MTMR7: variants seen among roughly 807,000 people sequenced by gnomAD.
The protein encoded by MTMR7 is myotubularin related protein 7.
Under a neutral mutation model 81.2 loss-of-function variants are expected in MTMR7, and 76 were observed. That is an observed-to-expected ratio of 0.94 (90% CI 0.78 to 1.13). The LOEUF is 1.13. Ranked by LOEUF, MTMR7 falls within the 50% of genes most tolerant of loss-of-function variation. The pLI is 0.00. For synonymous variants in MTMR7, 372 were observed against 289.8 expected, an observed-to-expected ratio of 1.28 and a Z score of -2.88; for missense variants, 1,044 against 820.0, an observed-to-expected ratio of 1.27 and a Z score of -3.34.
chr8:17,305,903 G>A lies in MTMR7; in HGVS notation c.1206C>T (p.Phe402=). 1.9e-6 allele frequency: 3 copies of A among 1,613,756 alleles called. No individual in the cohort carries two copies. The highest frequency in any genetic ancestry group is 8.5e-7 in the Non-Finnish European group (1 of 1,179,750). Residue 402 remains phenylalanine (F), a synonymous_variant, in exon 11 of 14, where the codon TTC becomes TTT. Transcript: ENST00000180173. ...CCATTAACTGCCAAACACACTCAAT[G>A]AACTGGTCAATAACTGGAGAGATTT... ...PKEISPVIDQ[F]IECVWQLMEQ... is the part of the protein sequence containing the mutation.
intron 1 of MTMR7, among the ~76,000 whole-genome samples, chr8:17,401,260 A>C (rs1432120600): frequency 6.6e-6 from 1 of 152,194 alleles, no homozygotes; most frequent in Admixed American, 6.5e-5. Context: ...ACATTTGAGC[A>C]AAGATCTAAA....
chr8:17,371,128 G>C lies in MTMR7; in HGVS notation c.219C>G (p.Arg73=). The part of the protein sequence containing the change: ...TTATGCPLLI[R]CKNFQIIQLI... ...GCTGTATTATCTGAAAGTTCTTGCA[G>C]CGAATCAGCAGAGGGCATCCGGTAG... Residue 73 remains arginine, a synonymous_variant, in exon 3 of 14, where the codon CGC becomes CGG. Transcript: ENST00000180173. The C allele has an allele frequency of 6.2e-7, 1 of 1,614,214 alleles. No homozygotes were observed. The highest frequency in any genetic ancestry group is 8.5e-7 in the Non-Finnish European group (1 of 1,180,036).
At chr8:17,367,638 A>AT (rs1472449682) in intron 3 of MTMR7, among the ~76,000 whole-genome samples, 1 of 152,204 alleles carries the variant, frequency 6.6e-6, no homozygotes, top group South Asian at 2.1e-4. Context: ...AAAGTCTCTA[A>AT]TTTTTTAATA....
chr8:17,406,116 C>A (rs1221556210), intron 1 of MTMR7, among the ~76,000 whole-genome samples: 6 of 151,938 alleles, frequency 3.9e-5, no homozygotes, highest in Non-Finnish European at 8.8e-5. Flanking sequence ...ATAGATATGA[C>A]ACAAAAAGCA....
At chr8:17,329,255 C>A (rs1180389553) in intron 7 of MTMR7, among the ~76,000 whole-genome samples, 1 of 152,156 alleles carries the variant, frequency 6.6e-6, no homozygotes, top group African/African-American at 2.4e-5. Flanking sequence ...TGCAACACTT[C>A]ATCATCAGCT....
intron 4 of MTMR7, among the ~76,000 whole-genome samples, chr8:17,357,678 T>G (rs1222967956): frequency 6.6e-6 from 1 of 152,232 alleles, no homozygotes; most frequent in Admixed American, 6.5e-5. Flanking sequence ...GAGGCCTTCC[T>G]ATATTTAGAA....
chr8:17,347,195 G>GA (rs57811867), intron 5 of MTMR7, among the ~76,000 whole-genome samples: 1,158 of 112,304 alleles, frequency 0.01, 9 homozygotes, highest in African/African-American at 0.021. Flanking sequence ...TCTTGTTTCC[G>GA]AAAAAAAAAA....
chr8:17,334,328 C>A (rs1274417406), intron 6 of MTMR7, among the ~76,000 whole-genome samples: 1 of 152,210 alleles, frequency 6.6e-6, no homozygotes, highest in African/African-American at 2.4e-5. Context: ...TAAGATACGG[C>A]ATCCCTTACA....
Position 17,361,659 on chromosome 8 carries a change from C to A in MTMR7, c.311-385G>T, listed in dbSNP as rs1214037083. Among the ~76,000 whole-genome samples, 5 of 152,190 alleles carry A rather than the reference C, an allele frequency of 3.3e-5. No homozygotes were observed. In the East Asian group the frequency reaches 9.7e-4, roughly 29 times the overall value. On this transcript the variant is annotated intron_variant, in intron 3 of 13. Coordinates refer to ENST00000180173, the MANE Select transcript of MTMR7 (RefSeq NM_004686.5). ...TTCCATTTTTTTAATGCCTATCAAGCTTGGATTTGGGATGGCCTCTCAGAG... is the reference window on the plus strand; with the variant it reads ...TTCCATTTTTTTAATGCCTATCAAGATTGGATTTGGGATGGCCTCTCAGAG...
Position 17,331,286 on chromosome 8 carries a change from C to T in MTMR7, c.733-4G>A, listed in dbSNP as rs1203965565. The T allele has an allele frequency of 1.3e-6, 2 of 1,588,182 alleles. No homozygotes were observed. The highest frequency in any genetic ancestry group is 8.5e-7 in the Non-Finnish European group (1 of 1,170,468). On this transcript the variant is annotated splice_polypyrimidine_tract_variant and splice_region_variant and intron_variant, in intron 6 of 13. Coordinates refer to ENST00000180173, the MANE Select transcript of MTMR7 (RefSeq NM_004686.5). ...CACGATTTGCCATTGCATTAAGCTG[C>T]AGTGGTCAGCAAAACAGAACAGTCA...
chr8:17,399,766 G>A (rs975731438), intron 1 of MTMR7, among the ~76,000 whole-genome samples: 1 of 151,820 alleles, frequency 6.6e-6, no homozygotes, highest in South Asian at 2.1e-4. Flanking sequence ...GCTTATGGCA[G>A]CATTATTCAC....
Position 17,298,754 on chromosome 8 carries a change from G to T in MTMR7, c.*1108C>A, listed in dbSNP as rs368093729. The T allele has an allele frequency of 2.4e-3, 366 of 152,666 alleles. 1 individual carries two copies. Among genetic ancestry groups the T allele is most frequent in the Non-Finnish European group, 4.2e-3 (285 of 67,980 alleles). 9.5% of individuals were successfully genotyped at this position (152,666 alleles called of 1,614,324 possible). On this transcript the variant is annotated 3_prime_UTR_variant, in exon 14 of 14. Coordinates refer to ENST00000180173, the MANE Select transcript of MTMR7 (RefSeq NM_004686.5). ...CACTAAGTTTAATTTAGGTCACCTA[G>T]TGAAGTCTTTTTTAACTCATAAGAT...
At chr8:17,354,573 T>C (rs1339643698) in intron 4 of MTMR7, among the ~76,000 whole-genome samples, 1 of 152,160 alleles carries the variant, frequency 6.6e-6, no homozygotes, top group Non-Finnish European at 1.5e-5. Context: ...AATAGCAGAA[T>C]TGGTTCTAGA....
intron 3 of MTMR7, among the ~76,000 whole-genome samples, chr8:17,366,635 C>T (rs1417528760): frequency 6.6e-6 from 1 of 151,968 alleles, no homozygotes; most frequent in Non-Finnish European, 1.5e-5. Context: ...GCCTGTAATC[C>T]CAGCACTTTG....
chr8:17,402,349 TCTAA>T (rs1821451588), intron 1 of MTMR7, among the ~76,000 whole-genome samples: 2 of 152,332 alleles, frequency 1.3e-5, no homozygotes, highest in African/African-American at 4.8e-5. Context: ...ACTCATTCTT[TCTAA>T]CTACTTTCTG....
intron 10 of MTMR7, among the ~76,000 whole-genome samples, chr8:17,306,294 A>G (rs1294688921): frequency 1.3e-5 from 2 of 152,134 alleles, no homozygotes; most frequent in African/African-American, 4.8e-5. Context: ...TAAATGTTGC[A>G]CTTTATGAGC....
chr8:17,370,090 A>T (rs991537098), intron 3 of MTMR7, among the ~76,000 whole-genome samples: 1 of 151,930 alleles, frequency 6.6e-6, no homozygotes, highest in Non-Finnish European at 1.5e-5. Context: ...TGGCAAGAAC[A>T]TATTTTTCAA....
At chr8:17,321,390 T>A (rs922915800) in intron 7 of MTMR7, among the ~76,000 whole-genome samples, 1 of 152,240 alleles carries the variant, frequency 6.6e-6, no homozygotes, top group African/African-American at 2.4e-5. Flanking sequence ...AGGCTTCTTG[T>A]TCAACATTTC....
Position 17,336,188 on chromosome 8 carries a change from T to TTC in MTMR7, c.733-4907_733-4906insGA, listed in dbSNP as rs541516928. Among the ~76,000 whole-genome samples, 292 of 152,216 alleles carry TTC rather than the reference T, an allele frequency of 1.9e-3. 1 individual carries two copies. Among genetic ancestry groups the TTC allele is most frequent in the African/African-American group, 6.6e-3 (274 of 41,544 alleles). On this transcript the variant is annotated intron_variant, in intron 6 of 13. Coordinates refer to ENST00000180173, the MANE Select transcript of MTMR7 (RefSeq NM_004686.5). Reference sequence around the variant, plus strand: ...CTGAAAAAGGAGATGCGCCTTGGCTTGAGTCTATTCCAGTACGCTCAACTT... The same window carrying TTC: ...CTGAAAAAGGAGATGCGCCTTGGCTTTCGAGTCTATTCCAGTACGCTCAACTT...
Sources: gnomAD v4.1 joint callset for allele counts (sites outside exome capture counted in the v4.1 genomes callset) on GRCh38, gnomAD v4.1.1 for gene constraint, MANE v1.5 for transcripts, NCBI Gene and HGNC (gene_info 2026-07-23, HGNC 2026-07-21) for gene names.